Variants in LRRC4C observed in about 807,000 individuals in gnomAD.
LRRC4C encodes the protein leucine-rich repeat-containing protein 4C.
In LRRC4C, 5 loss-of-function variants were observed where a neutral mutation model predicts 33.6. The observed-to-expected ratio is 0.15, with a 90% CI of 0.08 to 0.31. The LOEUF (loss-of-function observed/expected upper bound fraction) is 0.31. LRRC4C is among the 10% of genes least tolerant of loss of function. The pLI, the probability that LRRC4C is intolerant of heterozygous loss-of-function variation, is 1.00. For missense variants in LRRC4C, 560 were observed against 796.7 expected (o/e 0.70, Z 3.58); for synonymous variants, 329 against 302.0 (o/e 1.09, Z -0.93).
At chr11:41,225,613 A>G (rs1435292620) in intron 1 of LRRC4C, among the ~76,000 whole-genome samples, 1 of 152,150 alleles carries the variant, frequency 6.6e-6, no homozygotes, top group Non-Finnish European at 1.5e-5. Flanking sequence ...AGCCTGGGCA[A>G]CATAGTAAGA....
intron 1 of LRRC4C, among the ~76,000 whole-genome samples, chr11:41,146,321 G>C (rs1943725484): frequency 6.6e-6 from 1 of 152,144 alleles, no homozygotes; most frequent in Non-Finnish European, 1.5e-5. Context: ...GTCCACTCTG[G>C]AGTCAGGTGC....
At chr11:40,668,067 A>T (rs1376745230) in intron 2 of LRRC4C, among the ~76,000 whole-genome samples, 2 of 152,244 alleles carry the variant, frequency 1.3e-5, no homozygotes, top group Non-Finnish European at 2.9e-5. Flanking sequence ...CACTGTGAAT[A>T]AATTGAATAA....
intron 1 of LRRC4C, among the ~76,000 whole-genome samples, chr11:41,188,913 A>C (rs11036280): frequency 0.062 from 5,669 of 91,880 alleles, 140 homozygotes; most frequent in East Asian, 0.21. Context: ...CCCCCCCCCC[A>C]AAAAAAAGTA....
At chr11:41,034,691 T>G (rs1356088651) in intron 1 of LRRC4C, among the ~76,000 whole-genome samples, 1 of 146,412 alleles carries the variant, frequency 6.8e-6, no homozygotes, top group South Asian at 2.1e-4. Flanking sequence ...ATCAATGGAT[T>G]GTTTGGTCTC....
chr11:40,814,461 G>T (rs1378205255), intron 2 of LRRC4C, among the ~76,000 whole-genome samples: 2 of 151,970 alleles, frequency 1.3e-5, no homozygotes, highest in Non-Finnish European at 2.9e-5. Flanking sequence ...TCCCTCCTAT[G>T]CCTCCATGCC....
chr11:40,877,997 T>C (rs1954989634), intron 2 of LRRC4C, among the ~76,000 whole-genome samples: 1 of 152,178 alleles, frequency 6.6e-6, no homozygotes, highest in Admixed American at 6.5e-5. Context: ...TCCTAGAGTC[T>C]TCTGCTATCT....
chr11:41,232,892 G>A (rs1393533390), intron 1 of LRRC4C, among the ~76,000 whole-genome samples: 1 of 151,864 alleles, frequency 6.6e-6, no homozygotes, highest in Non-Finnish European at 1.5e-5. Flanking sequence ...CTAATGTTTA[G>A]TTAAGTCAAC....
intron 1 of LRRC4C, among the ~76,000 whole-genome samples, chr11:41,449,768 G>GGAA (rs1422496697): frequency 1.8e-5 from 2 of 108,544 alleles, no homozygotes; most frequent in Non-Finnish European, 3.8e-5. Flanking sequence ...CCTCTTGATG[G>GGAA]AAAAAAAAAA....
intron 1 of LRRC4C, among the ~76,000 whole-genome samples, chr11:41,323,727 A>C (rs187538624): frequency 2.4e-4 from 36 of 152,340 alleles, no homozygotes; most frequent in African/African-American, 8.7e-4. Context: ...TGAGAGAATT[A>C]CTATGGCTAG....
At chr11:40,824,568 C>T (rs1188786687) in intron 2 of LRRC4C, among the ~76,000 whole-genome samples, 2 of 151,880 alleles carry the variant, frequency 1.3e-5, no homozygotes, top group Non-Finnish European at 2.9e-5. Context: ...CAACCGAGCT[C>T]TGTTTTTCTA....
At chr11:40,460,147 G>T (rs542320759) in intron 3 of LRRC4C, among the ~76,000 whole-genome samples, 1 of 152,076 alleles carries the variant, frequency 6.6e-6, no homozygotes, top group African/African-American at 2.4e-5. Context: ...GGTGATTAGG[G>T]GTCTCACTGG....
At chr11:40,669,042 A>G (rs1943953976) in intron 2 of LRRC4C, among the ~76,000 whole-genome samples, 2 of 152,186 alleles carry the variant, frequency 1.3e-5, no homozygotes, top group Non-Finnish European at 2.9e-5. Context: ...ATAAATCTTA[A>G]ATAGGTTTTC....
chr11:40,958,154 C>T (rs1959044551), intron 1 of LRRC4C, among the ~76,000 whole-genome samples: 1 of 151,646 alleles, frequency 6.6e-6, no homozygotes, highest in Admixed American at 6.6e-5. Flanking sequence ...ATAATAGAAT[C>T]CTAGATTCTA....
chr11:41,125,311 A>G (rs1055337113), intron 1 of LRRC4C, among the ~76,000 whole-genome samples: 1 of 152,164 alleles, frequency 6.6e-6, no homozygotes, highest in Non-Finnish European at 1.5e-5. Flanking sequence ...GGCAATCCTC[A>G]AAAAATTCAC....
chr11:41,175,650 T>C (rs951515476), intron 1 of LRRC4C, among the ~76,000 whole-genome samples: 1 of 152,138 alleles, frequency 6.6e-6, no homozygotes, highest in Non-Finnish European at 1.5e-5. Context: ...CCTTACTATA[T>C]GCTGAAGAAA....
At chr11:40,235,594 T>G (rs1273188823) in intron 5 of LRRC4C, among the ~76,000 whole-genome samples, 1 of 152,174 alleles carries the variant, frequency 6.6e-6, no homozygotes, top group Non-Finnish European at 1.5e-5. Flanking sequence ...TAAGGCATAT[T>G]CCAGTTATAA....
intron 4 of LRRC4C, among the ~76,000 whole-genome samples, chr11:40,290,720 T>A (rs1272012970): frequency 2.6e-5 from 4 of 152,052 alleles, no homozygotes; most frequent in East Asian, 1.9e-4. Flanking sequence ...TATTTTTTTT[T>A]AAATGGTATT....
intron 2 of LRRC4C, among the ~76,000 whole-genome samples, chr11:40,880,659 T>G (rs1054884955): frequency 6.6e-6 from 1 of 151,686 alleles, no homozygotes; most frequent in African/African-American, 2.4e-5. Context: ...TACTAATGCA[T>G]CAAATAGCAT....
At chr11:40,901,325 A>C (rs1956185987) in intron 2 of LRRC4C, among the ~76,000 whole-genome samples, 1 of 152,022 alleles carries the variant, frequency 6.6e-6, no homozygotes, top group African/African-American at 2.4e-5. Flanking sequence ...CAGAAGTATA[A>C]CTCCAAGGGC....
Sources: allele counts gnomAD v4.1 joint callset (sites outside exome capture counted in the v4.1 genomes callset), GRCh38; gene constraint gnomAD v4.1.1; transcripts MANE v1.5; gene names NCBI Gene and HGNC (gene_info 2026-07-23, HGNC 2026-07-21).